Variants in DNAJC5B observed in about 807,000 individuals in gnomAD.
DNAJC5B encodes the protein DnaJ heat shock protein family (Hsp40) member C5 beta, also known as dnaJ homolog subfamily C member 5B.
A neutral mutation model predicts 24.7 loss-of-function variants in DNAJC5B; 23 were observed. The ratio of observed to expected loss-of-function variants is 0.93; its 90% confidence interval spans 0.67 to 1.32. The LOEUF (loss-of-function observed/expected upper bound fraction) is 1.32. Among genes scored for constraint, DNAJC5B ranks in the 40% most tolerant of loss-of-function variants. The pLI is 0.00. For synonymous variants in DNAJC5B, 101 were observed against 90.1 expected (o/e 1.12, Z -0.68); for missense variants, 238 against 240.8 (o/e 0.99, Z 0.08).
intron 3 of DNAJC5B, among the ~76,000 whole-genome samples, chr8:66,075,100 G>A (rs953116170): frequency 6.6e-6 from 1 of 151,844 alleles, no homozygotes. Flanking sequence ...TTGGAGTCTC[G>A]CTGTCGCCCA....
At chr8:66,074,172 A>C (rs1347722159) in intron 3 of DNAJC5B, among the ~76,000 whole-genome samples, 1 of 152,236 alleles carries the variant, frequency 6.6e-6, no homozygotes, top group Non-Finnish European at 1.5e-5. Flanking sequence ...GCCTCATATA[A>C]ACCACGAGAT....
intron 3 of DNAJC5B, among the ~76,000 whole-genome samples, chr8:66,055,165 A>G (rs566423242): frequency 6.6e-6 from 1 of 152,304 alleles, no homozygotes; most frequent in Middle Eastern, 3.4e-3. Context: ...CTTGCTATTA[A>G]TTTTGTTTTA....
At chr8:66,066,615 A>G (rs924704655) in intron 3 of DNAJC5B, among the ~76,000 whole-genome samples, 7 of 152,208 alleles carry the variant, frequency 4.6e-5, no homozygotes, top group Admixed American at 6.5e-5. Context: ...TATTCTAAAT[A>G]GATAACTCAG....
chr8:66,076,147 G>A (rs1042497394), intron 3 of DNAJC5B, among the ~76,000 whole-genome samples: 1 of 152,214 alleles, frequency 6.6e-6, no homozygotes, highest in Non-Finnish European at 1.5e-5. Flanking sequence ...AGAAAACCAA[G>A]AGTTAGTTAG....
intron 3 of DNAJC5B, among the ~76,000 whole-genome samples, chr8:66,069,887 A>C (rs1457255443): frequency 2.0e-5 from 3 of 152,250 alleles, no homozygotes; most frequent in African/African-American, 7.2e-5. Context: ...CATCCCTAGG[A>C]TGCAAGGCTG....
the DNAJC5B span, among the ~76,000 whole-genome samples, chr8:66,015,199 A>T: frequency 6.6e-6 from 1 of 150,956 alleles, no homozygotes; most frequent in Non-Finnish European, 1.5e-5. Context: ...TGCTGCAAAC[A>T]GTCTTTGAGG....
At chr8:66,032,499 G>T (rs1806380704) in intron 1 of DNAJC5B, among the ~76,000 whole-genome samples, 1 of 152,162 alleles carries the variant, frequency 6.6e-6, no homozygotes. Flanking sequence ...ACCCCACTCT[G>T]CTTGGGAGGG....
At chr8:66,085,891 T>C (rs1176812352) in intron 5 of DNAJC5B, among the ~76,000 whole-genome samples, 3 of 152,172 alleles carry the variant, frequency 2.0e-5, no homozygotes, top group Non-Finnish European at 4.4e-5. Flanking sequence ...TTGGAAAGAA[T>C]TGACATCTTT....
chr8:66,020,316 G>T (rs184392840), upstream of DNAJC5B, among the ~76,000 whole-genome samples: 1 of 152,224 alleles, frequency 6.6e-6, no homozygotes, highest in Non-Finnish European at 1.5e-5. Flanking sequence ...AAAATAGCTT[G>T]TAAATGAAGC....
intron 5 of DNAJC5B, among the ~76,000 whole-genome samples, chr8:66,098,860 A>C (rs1348975783): frequency 6.6e-6 from 1 of 152,044 alleles, no homozygotes; most frequent in Admixed American, 6.6e-5. Context: ...TTAAAACATA[A>C]TTCTTTTGTA....
rs182048268 is a variant in DNAJC5B at position 66,070,900 on chromosome 8, C to T, written c.120-5760C>T. Among the ~76,000 whole-genome samples, 11 of 152,270 alleles carry T rather than the reference C, an allele frequency of 7.2e-5. No individual in the cohort carries two copies. The East Asian group carries it at 2.1e-3, about 29-fold the overall frequency. On this transcript the variant is annotated intron_variant, in intron 3 of 5. Coordinates refer to ENST00000276570, the MANE Select transcript of DNAJC5B (RefSeq NM_033105.6). ...CAGAGGCCTCAGAAATAGCACCACA[C>T]ATCTACAATCATCTGATTTTTGACA...
At chr8:66,022,992 G>T (rs1563581883) in intron 1 of DNAJC5B, among the ~76,000 whole-genome samples, 1 of 152,148 alleles carries the variant, frequency 6.6e-6, no homozygotes. Flanking sequence ...ATCTCCATTT[G>T]CATTTGTTGA....
rs550200594 is a variant in DNAJC5B, at chr8:66,078,826, G to A, written c.334-1551G>A. Reference sequence around the variant, plus strand: ...CCAGAGGCTCCACCTCAAACCTGGGGCCAGAATCAGAGATGAAGCCCAGGT... The same window carrying A: ...CCAGAGGCTCCACCTCAAACCTGGGACCAGAATCAGAGATGAAGCCCAGGT... On this transcript the variant is annotated intron_variant, in intron 4 of 5. Coordinates refer to ENST00000276570, the MANE Select transcript of DNAJC5B (RefSeq NM_033105.6). Among the ~76,000 whole-genome samples, 24 of 152,258 alleles carry A rather than the reference G, an allele frequency of 1.6e-4. 1 individual carries two copies. The highest frequency in any genetic ancestry group is 9.8e-4 in the Admixed American group (15 of 15,296).
At chr8:66,077,427 G>C (rs1306039275) in intron 4 of DNAJC5B, among the ~76,000 whole-genome samples, 3 of 152,190 alleles carry the variant, frequency 2.0e-5, no homozygotes, top group African/African-American at 7.2e-5. Flanking sequence ...TGGATACCTA[G>C]TCAAGAAAAG....
At chr8:66,058,302 C>T (rs1301425513) in intron 3 of DNAJC5B, among the ~76,000 whole-genome samples, 1 of 152,114 alleles carries the variant, frequency 6.6e-6, no homozygotes, top group East Asian at 1.9e-4. Flanking sequence ...TTAAAACCAA[C>T]TTTTTGCTTC....
At chr8:66,033,070 G>C (rs1806394298) in intron 1 of DNAJC5B, among the ~76,000 whole-genome samples, 1 of 152,224 alleles carries the variant, frequency 6.6e-6, no homozygotes, top group African/African-American at 2.4e-5. Flanking sequence ...CACACAGTTA[G>C]AAGCCAAGCC....
chr8:66,062,194 G>A (rs1292790433), intron 3 of DNAJC5B, among the ~76,000 whole-genome samples: 1 of 152,204 alleles, frequency 6.6e-6, no homozygotes, highest in Non-Finnish European at 1.5e-5. Context: ...AAAATGTCTG[G>A]AAAATGTCTG....
At chr8:66,071,046 T>C (rs533501919) in intron 3 of DNAJC5B, among the ~76,000 whole-genome samples, 1 of 151,974 alleles carries the variant, frequency 6.6e-6, no homozygotes, top group East Asian at 1.9e-4. Context: ...TATACAAAAA[T>C]CAACTCAAGA....
intron 3 of DNAJC5B, among the ~76,000 whole-genome samples, chr8:66,054,190 A>G (rs541824216): frequency 1.3e-5 from 2 of 152,316 alleles, no homozygotes; most frequent in East Asian, 3.9e-4. Flanking sequence ...ATCAAAATAT[A>G]AATAAATTTT....
Sources: allele counts gnomAD v4.1 joint callset (sites outside exome capture counted in the v4.1 genomes callset), GRCh38; gene constraint gnomAD v4.1.1; transcripts MANE v1.5; gene names NCBI Gene and HGNC (gene_info 2026-07-23, HGNC 2026-07-21).